Variants in BEND6 observed in about 807,000 individuals in gnomAD.
BEND6 encodes BEN domain containing 6, also known as BEN domain-containing protein 6.
In BEND6, 24 loss-of-function variants were observed where a neutral mutation model predicts 31.8. The observed-to-expected ratio is 0.75, with a 90% CI of 0.55 to 1.06. The LOEUF is 1.06. Among genes scored for constraint, BEND6 ranks in the 50% least tolerant of loss-of-function variants. The probability of loss-of-function intolerance (pLI) is 0.00; values close to 1 mark genes in which losing one functional copy is unlikely to be tolerated. For missense variants in BEND6, 294 were observed against 327.4 expected, an observed-to-expected ratio of 0.90 and a Z score of 0.79; for synonymous variants, 109 against 114.6, an observed-to-expected ratio of 0.95 and a Z score of 0.31.
intron 1 of BEND6, among the ~76,000 whole-genome samples, chr6:56,962,364 T>A (rs1216003474): frequency 6.6e-6 from 1 of 152,196 alleles, no homozygotes; most frequent in Admixed American, 6.5e-5. Context: ...CAATGTCACA[T>A]CATCATGATC....
intron 1 of BEND6, among the ~76,000 whole-genome samples, chr6:56,958,453 T>C (rs192848329): frequency 2.6e-5 from 4 of 152,184 alleles, no homozygotes; most frequent in East Asian, 3.9e-4. Flanking sequence ...TGAAGATAAC[T>C]CAGGTTTTGA....
intron 6 of BEND6, among the ~76,000 whole-genome samples, chr6:57,024,144 A>T (rs559381100): frequency 1.5e-4 from 23 of 152,274 alleles, no homozygotes; most frequent in Non-Finnish European, 2.5e-4. Context: ...TGTCTCATTG[A>T]CATGTTTTTA....
chr6:57,020,412 G>A (rs898505946), intron 6 of BEND6, among the ~76,000 whole-genome samples: 2 of 151,458 alleles, frequency 1.3e-5, no homozygotes, highest in African/African-American at 4.9e-5. Context: ...TAAGTTCCTT[G>A]TCTTTTCTTT....
chr6:56,955,519 C>T (rs1042922844), intron 1 of BEND6, 59 bp downstream of exon 1: 16 of 152,404 alleles, frequency 1.0e-4, no homozygotes, highest in African/African-American at 3.8e-4. Context: ...CGGGAAGGGC[C>T]TTCCCTGGGA....
At chr6:57,005,767 A>G (rs1429560795) in intron 3 of BEND6, among the ~76,000 whole-genome samples, 1 of 142,546 alleles carries the variant, frequency 7.0e-6, no homozygotes, top group Admixed American at 6.7e-5. Flanking sequence ...ATGTAATCCC[A>G]ATTAAAATAC....
At chr6:56,997,094 T>G (rs1826746093) in intron 3 of BEND6, among the ~76,000 whole-genome samples, 1 of 152,176 alleles carries the variant, frequency 6.6e-6, no homozygotes, top group African/African-American at 2.4e-5. Flanking sequence ...TCTTTTCTAC[T>G]CTTCATCCTC....
chr6:56,981,960 T>C (rs1157649727), intron 2 of BEND6, 30 bp downstream of exon 2: 1 of 1,592,026 alleles, frequency 6.3e-7, no homozygotes, highest in African/African-American at 1.4e-5. Flanking sequence ...GACTCAACTT[T>C]GTTATCTAGC....
At position 57,015,767 on chromosome 6, in the gene BEND6, T is replaced by C. The variant is rs377062813; in HGVS notation, c.519+414T>C. Among the ~76,000 whole-genome samples the C allele has an allele frequency of 9.7e-5, 14 of 144,218 alleles. No homozygotes were observed. In the East Asian group the frequency reaches 1.8e-3, roughly 19 times the overall value. 94.6% of individuals were successfully genotyped at this position (144,218 alleles called of 152,430 possible). On this transcript the variant is annotated intron_variant, in intron 4 of 6. Coordinates refer to ENST00000370746, the MANE Select transcript of BEND6 (RefSeq NM_152731.3). ...TTGCAGTGAGCCGAGATCGAGATAG[T>C]GCCACTGCACTCCAGCCTGGGCGAC... is the stretch of plus-strand genomic sequence containing the variant.
At chr6:56,971,409 T>C (rs1825684707) in intron 1 of BEND6, among the ~76,000 whole-genome samples, 1 of 152,248 alleles carries the variant, frequency 6.6e-6, no homozygotes. Flanking sequence ...CTTTTAGCTA[T>C]TGTGAATAAT....
At position 56,998,994 on chromosome 6, in the gene BEND6, A is replaced by C. The variant is rs569719703; in HGVS notation, c.298+6439A>C. 8.5e-5 allele frequency among the ~76,000 whole-genome samples: 13 copies of C among 152,350 alleles called. 2 individuals are homozygous for C. In the South Asian group the frequency reaches 2.5e-3, roughly 29 times the overall value. On this transcript the variant is annotated intron_variant, in intron 3 of 6. Transcript: ENST00000370746. ...AATGGGCGAGAAAATTGCTGGGTTC[A>C]TCAGCCCACTCTGCTGAAGCCATGG...
At position 56,961,766 on chromosome 6, in the gene BEND6, A is replaced by G. The variant is rs182637041; in HGVS notation, c.-101+6306A>G. On this transcript the variant is annotated intron_variant, in intron 1 of 6. Coordinates refer to ENST00000370746, the MANE Select transcript of BEND6 (RefSeq NM_152731.3). ...GGTAAATAAAGCCACCACTCTTCCTAAATCCTTCCCCAAGCCCACATTCAA... is the reference window on the plus strand; with the variant it reads ...GGTAAATAAAGCCACCACTCTTCCTGAATCCTTCCCCAAGCCCACATTCAA... Among the ~76,000 whole-genome samples, 21 of 152,270 alleles carry G rather than the reference A, an allele frequency of 1.4e-4. No homozygotes were observed. In the East Asian group the frequency reaches 3.7e-3, roughly 27 times the overall value.
intron 3 of BEND6, 72 bp from the exon 4 acceptor site, chr6:57,015,061 A>T: frequency 7.5e-7 from 1 of 1,339,156 alleles, no homozygotes; most frequent in East Asian, 2.4e-5. Context: ...ACATACACTC[A>T]ACAAAAAAAT....
At chr6:57,024,678 T>G (rs1302862637) in intron 6 of BEND6, among the ~76,000 whole-genome samples, 8 of 152,168 alleles carry the variant, frequency 5.3e-5, no homozygotes, top group Admixed American at 4.6e-4. Flanking sequence ...TTACATGCTT[T>G]TGGGTAGTCT....
chr6:56,981,776 G>C lies in BEND6; in HGVS notation c.-35G>C. On this transcript the variant is annotated 5_prime_UTR_variant, in exon 2 of 7. An upstream open reading frame in the 5' UTR loses its in-frame stop. Transcript: ENST00000370746. ...TCTTCATGGGTATTCCCTACTCCTA[G>C]GATTTCAGAAAACCTTTGATAACTA... 2 of 1,607,786 alleles carry C rather than the reference G, an allele frequency of 1.2e-6. No individual in the cohort carries two copies. Among genetic ancestry groups the C allele is most frequent in the Non-Finnish European group, 1.7e-6 (2 of 1,177,280 alleles).
chr6:56,959,625 G>C (rs547380252), intron 1 of BEND6, among the ~76,000 whole-genome samples: 1 of 152,206 alleles, frequency 6.6e-6, no homozygotes, highest in East Asian at 1.9e-4. Context: ...GTGATTTCCA[G>C]CCACCAGAAC....
At chr6:56,993,521 T>C (rs1248683323) in intron 3 of BEND6, among the ~76,000 whole-genome samples, 1 of 152,170 alleles carries the variant, frequency 6.6e-6, no homozygotes, top group Admixed American at 6.5e-5. Flanking sequence ...AGAATAGTAA[T>C]AAGAGACAGA....
chr6:57,004,630 C>T lies in BEND6; in HGVS notation c.299-10503C>T, dbSNP rs531451081. 5.4e-4 allele frequency: 590 copies of T among 1,102,454 alleles called. 6 individuals are homozygous for T. The South Asian group carries it at 5.8e-3, about 11-fold the overall frequency. The allele number at this position is 1,102,454 out of a possible 1,614,324, so 68.3% of individuals were successfully genotyped here. A position where few individuals can be genotyped will look rare whatever the true frequency, so the allele number is the denominator to read the frequency against. ...TCAACCTGGAGCTCTACCCCTCCTA[C>T]GTGGGCTGAATGCAATGGAGTGGGC... On this transcript the variant is annotated intron_variant, in intron 3 of 6. Transcript: ENST00000370746.
intron 1 of BEND6, among the ~76,000 whole-genome samples, chr6:56,978,541 A>G (rs964257880): frequency 9.8e-5 from 15 of 152,314 alleles, no homozygotes; most frequent in African/African-American, 3.1e-4. Flanking sequence ...ATTTCCATAC[A>G]AATTTTAAGA....
At chr6:57,016,656 T>C (rs1211170972) in intron 4 of BEND6, among the ~76,000 whole-genome samples, 2 of 152,198 alleles carry the variant, frequency 1.3e-5, no homozygotes, top group Non-Finnish European at 1.5e-5. Flanking sequence ...ACACTTCAGA[T>C]CTTCCCTCCC....
Sources: allele counts gnomAD v4.1 joint callset (sites outside exome capture counted in the v4.1 genomes callset), GRCh38; gene constraint gnomAD v4.1.1; transcripts MANE v1.5; gene names NCBI Gene and HGNC (gene_info 2026-07-23, HGNC 2026-07-21).